RASSF5: variants seen among roughly 807,000 people sequenced by gnomAD.
RASSF5 encodes the protein ras association domain-containing protein 5.
A neutral mutation model predicts 40.5 loss-of-function variants in RASSF5; 25 were observed. The observed-to-expected ratio is 0.62, with a 90% confidence interval of 0.45 to 0.86. RASSF5 has a LOEUF of 0.86. RASSF5 is among the 40% of genes least tolerant of loss of function. RASSF5 has a pLI of 0.00. For missense variants in RASSF5, 521 were observed against 572.8 expected, an observed-to-expected ratio of 0.91 and a Z score of 0.92; for synonymous variants, 246 against 252.4, an observed-to-expected ratio of 0.97 and a Z score of 0.24.
rs1553398916 is a variant in RASSF5, at chr1:206,538,205, G to T, written c.491G>T (p.Ser164Ile). 1.2e-6 allele frequency: 2 copies of T among 1,614,182 alleles called. No individual in the cohort carries two copies. The highest frequency in any genetic ancestry group is 1.7e-6 in the Non-Finnish European group (2 of 1,180,024). ...CKFTCHPECR[S>I]LIQLDCSQQE... ...TTCACCTGTCACCCAGAATGCCGCA[G>T]CCTGATCCAGTTGGACTGCAGTCAG... The change falls in exon 2 of 6, where the codon AGC becomes ATC. Residue 164 changes from serine to isoleucine, a missense_variant. Ser to Ile is a moderately radical substitution (Grantham distance 142). Around this residue, in one of 2 missense-constraint regions of RASSF5, gnomAD observed 284 missense variants for 360.8 expected, o/e 0.79. Coordinates refer to ENST00000579436, the MANE Select transcript of RASSF5 (RefSeq NM_182663.4).
At chr1:206,574,666 T>C (rs782617695) in intron 2 of RASSF5, among the ~76,000 whole-genome samples, 4 of 152,104 alleles carry the variant, frequency 2.6e-5, no homozygotes, top group Non-Finnish European at 5.9e-5. Context: ...CCAACCCTTT[T>C]AATTTTGGGA....
intron 2 of RASSF5, among the ~76,000 whole-genome samples, chr1:206,555,020 T>C (rs1405684514): frequency 6.6e-6 from 1 of 152,202 alleles, no homozygotes; most frequent in Non-Finnish European, 1.5e-5. Context: ...TTCCCTCAGT[T>C]TCCTTATCTA....
chr1:206,551,392 C>T (rs1286292783), intron 2 of RASSF5, among the ~76,000 whole-genome samples: 3 of 152,204 alleles, frequency 2.0e-5, no homozygotes, highest in African/African-American at 7.2e-5. Flanking sequence ...GAGCGGACAT[C>T]CTTCATTCTT....
intron 1 of RASSF5, among the ~76,000 whole-genome samples, chr1:206,516,303 G>A (rs1553395382): frequency 6.6e-6 from 1 of 152,178 alleles, no homozygotes; most frequent in Non-Finnish European, 1.5e-5. Flanking sequence ...GCTTCTGAAA[G>A]CCCCATCTCC....
intron 2 of RASSF5, chr1:206,544,045 C>G (rs1204669738): frequency 1.3e-5 from 2 of 152,196 alleles, no homozygotes; most frequent in African/African-American, 4.8e-5. Context: ...AGCCACTGCA[C>G]CTGGCCCTAA....
chr1:206,511,008 T>C (rs1301129797), intron 1 of RASSF5, among the ~76,000 whole-genome samples: 1 of 152,254 alleles, frequency 6.6e-6, no homozygotes, highest in African/African-American at 2.4e-5. Context: ...CTCTTCCCAC[T>C]GTCTGCCTTT....
At chr1:206,534,579 C>G (rs559050118) in intron 1 of RASSF5, among the ~76,000 whole-genome samples, 1 of 152,214 alleles carries the variant, frequency 6.6e-6, no homozygotes, top group East Asian at 1.9e-4. Context: ...TGGAAGCTCC[C>G]CAGAGCTGCC....
intron 1 of RASSF5, among the ~76,000 whole-genome samples, chr1:206,520,606 C>CA (rs548392441): frequency 0.51 from 60,339 of 119,248 alleles, 14,357 homozygotes; most frequent in South Asian, 0.68. Flanking sequence ...GACTCCATCT[C>CA]AAAAAAAAAA....
At chr1:206,553,289 T>C (rs1667894626) in intron 2 of RASSF5, among the ~76,000 whole-genome samples, 1 of 152,188 alleles carries the variant, frequency 6.6e-6, no homozygotes, top group African/African-American at 2.4e-5. Context: ...ATAGTAATTA[T>C]TCAATAATTT....
intron 2 of RASSF5, among the ~76,000 whole-genome samples, chr1:206,556,873 G>C (rs1309781333): frequency 6.6e-6 from 1 of 152,104 alleles, no homozygotes; most frequent in Non-Finnish European, 1.5e-5. Context: ...AAGGGAGGAG[G>C]GATGGTGTTG....
chr1:206,577,250 T>G (rs1286631347), intron 2 of RASSF5, among the ~76,000 whole-genome samples: 1 of 152,182 alleles, frequency 6.6e-6, no homozygotes, highest in Non-Finnish European at 1.5e-5. Flanking sequence ...AGAAAAAGTT[T>G]GCCAACCACT....
intron 1 of RASSF5, among the ~76,000 whole-genome samples, chr1:206,532,483 T>C (rs1323368727): frequency 6.6e-6 from 1 of 152,226 alleles, no homozygotes; most frequent in African/African-American, 2.4e-5. Context: ...CCATTCTCTT[T>C]CCATGACATC....
chr1:206,536,703 T>C (rs1553398727), intron 1 of RASSF5, among the ~76,000 whole-genome samples: 1 of 152,150 alleles, frequency 6.6e-6, no homozygotes, highest in Non-Finnish European at 1.5e-5. Context: ...CATTTCGAGG[T>C]GCCTGAGCCC....
chr1:206,569,159 A>G (rs1361986940), intron 2 of RASSF5, among the ~76,000 whole-genome samples: 2 of 152,268 alleles, frequency 1.3e-5, no homozygotes, highest in Non-Finnish European at 2.9e-5. Context: ...ATGAGCAGGC[A>G]AAAAGGCACA....
chr1:206,521,723 C>T (rs970443129), intron 1 of RASSF5, among the ~76,000 whole-genome samples: 2 of 152,232 alleles, frequency 1.3e-5, no homozygotes, highest in Non-Finnish European at 2.9e-5. Flanking sequence ...CAACCCTCCC[C>T]TTCTCTTTCC....
At chr1:206,512,575 G>C (rs1180773612) in intron 1 of RASSF5, among the ~76,000 whole-genome samples, 1 of 152,186 alleles carries the variant, frequency 6.6e-6, no homozygotes, top group Non-Finnish European at 1.5e-5. Context: ...GCAGCACTGA[G>C]GGTTTGGTCT....
chr1:206,574,048 A>G (rs1930434), intron 2 of RASSF5, among the ~76,000 whole-genome samples: 42,957 of 152,188 alleles, frequency 0.28, 6,429 homozygotes, highest in East Asian at 0.51. Context: ...GTGCCTGACT[A>G]CTGTCGGTTT....
rs201417666 is a variant in RASSF5, at chr1:206,584,521, C to G, written c.825C>G (p.Asp275Glu). ...IKEVNLAATT[D>E]KRTSFYLPLD... ...AGGTGAACCTGGCGGCTACCACGGA[C>G]AAGCGGACATCCTTCTACCTGCCCC... Residue 275 changes from aspartate (D) to glutamate (E), a missense_variant, in exon 4 of 6, where the codon GAC becomes GAG. Physicochemically the swap from Asp to Glu is conservative, Grantham distance 45 (BLOSUM62 2). Coordinates refer to ENST00000579436, the MANE Select transcript of RASSF5 (RefSeq NM_182663.4). The surrounding 1 kb of genome is among the most constrained non-coding windows in gnomAD (Gnocchi z 4.9). 5 of 1,614,060 alleles carry G rather than the reference C, an allele frequency of 3.1e-6. No homozygotes were observed. In the Admixed American group the frequency reaches 8.3e-5, roughly 27 times the overall value.
chr1:206,509,360 C>A (rs1037473070), intron 1 of RASSF5, among the ~76,000 whole-genome samples: 10 of 152,210 alleles, frequency 6.6e-5, no homozygotes, highest in African/African-American at 2.2e-4. Flanking sequence ...ATTGGAAGGG[C>A]AAGTGGGTGC....
Sources: gnomAD v4.1 joint callset for allele counts (sites outside exome capture counted in the v4.1 genomes callset) on GRCh38, gnomAD v4.1.1 for gene constraint, gnomAD v4.1.1 regional missense constraint, Gnocchi (gnomAD v3.1) non-coding constraint, MANE v1.5 for transcripts, NCBI Gene and HGNC (gene_info 2026-07-23, HGNC 2026-07-21) for gene names.